The following C10orf120 variants were observed in gnomAD, a reference collection of about 807,000 sequenced individuals.
C10orf120 encodes chromosome 10 open reading frame 120, also known as uncharacterized protein C10orf120.
C10orf120 carries 15 observed loss-of-function variants against 10.8 expected under a neutral mutation model. That is an observed-to-expected ratio of 1.39 (90% CI 0.93 to 2.14). The LOEUF is 2.14. Among genes scored for constraint, C10orf120 ranks in the 30% most tolerant of loss-of-function variants. The pLI is 0.00. For synonymous variants in C10orf120, 141 were observed against 138.9 expected (o/e 1.02, Z -0.11); for missense variants, 447 against 411.3 (o/e 1.09, Z -0.75).
rs1262438419 is a variant in C10orf120 at position 122,697,781 on chromosome 10, C to A, written c.960G>T (p.Glu320Asp). 6.2e-7 allele frequency: 1 copy of A among 1,614,172 alleles called. No individual in the cohort carries two copies. Among genetic ancestry groups the A allele is most frequent in the Non-Finnish European group, 8.5e-7 (1 of 1,180,006 alleles). ...TACGCATGCGCTCTTTCCAGATACT[C>A]TCTTCTTCCAGGCTGTAGGTCTTGA... is the stretch of plus-strand genomic sequence containing the variant. ...DLVKTYSLEE[E>D]SIWKERMRKA... Residue 320 changes from glutamate (E) to aspartate (D), a missense_variant, in exon 3 of 3, where the codon GAG becomes GAT. Glu to Asp is a conservative substitution (Grantham distance 45, BLOSUM62 2). Transcript: ENST00000329446.
At chr10:122,699,491 A>T in intron 1 of C10orf120, 79 bp from the exon 2 acceptor site, 1 of 1,466,642 alleles carries the variant, frequency 6.8e-7, no homozygotes, top group East Asian at 2.3e-5. Context: ...GAAGGCTCAT[A>T]AAGGGTTATT....
chr10:122,699,523 C>G, intron 1 of C10orf120, 92 bp downstream of exon 1: 1 of 1,445,062 alleles, frequency 6.9e-7, no homozygotes, highest in South Asian at 1.3e-5. Flanking sequence ...AGGCTGAGGC[C>G]GCCATGAGCA....
chr10:122,698,489 C>T lies in C10orf120; in HGVS notation c.253-1G>A, dbSNP rs1305702534. 1.2e-6 allele frequency: 2 copies of T among 1,613,830 alleles called. No individual in the cohort carries two copies. Among genetic ancestry groups the T allele is most frequent in the East Asian group, 4.5e-5 (2 of 44,888 alleles). On this transcript the variant is annotated splice_acceptor_variant, in intron 2 of 2. Coordinates refer to ENST00000329446, the MANE Select transcript of C10orf120 (RefSeq NM_001010912.4). LOFTEE classifies it high-confidence loss of function. Reference sequence around the variant, plus strand: ...CTATGGTGTGAATGCCACCTAGACGCTGACAATGGAGAAAGGACTATTAAA... The same window carrying T: ...CTATGGTGTGAATGCCACCTAGACGTTGACAATGGAGAAAGGACTATTAAA...
At position 122,698,217 on chromosome 10, in the gene C10orf120, C is replaced by G. The variant is rs141554298; in HGVS notation, c.524G>C (p.Arg175Pro). 1.2e-5 allele frequency: 19 copies of G among 1,613,554 alleles called. No individual in the cohort carries two copies. The highest frequency in any genetic ancestry group is 1.7e-5 in the Admixed American group (1 of 59,930). ...TAAAGGCTGATGATTTCCCAGAGCC[C>G]GAGCAAGCCTCATCCTCTCTATGTG... ...SKHIERMRLA[R>P]ALGNHQPLPY... Residue 175 changes from arginine (R) to proline (P), a missense_variant, in exon 3 of 3, where the codon CGG (arginine) becomes CCG (proline). By Grantham distance (103) the Arg-to-Pro change is moderately radical. Transcript: ENST00000329446.
chr10:122,699,139 T>C (rs1845826792), intron 2 of C10orf120, among the ~76,000 whole-genome samples, 198 bp downstream of exon 2: 1 of 10,512 alleles, frequency 9.5e-5, no homozygotes, highest in Admixed American at 1.2e-3. Context: ...AGACTCCGTC[T>C]CAAAAAAAAA....
chr10:122,699,027 G>A (rs527725839), intron 2 of C10orf120, among the ~76,000 whole-genome samples: 29 of 150,220 alleles, frequency 1.9e-4, no homozygotes, highest in Admixed American at 1.1e-3. Context: ...CCAGCTACTC[G>A]GGAGGCTGAG....
chr10:122,699,618 A>G lies in C10orf120; in HGVS notation c.173T>C (p.Leu58Ser). Reference protein sequence around the residue: ...CQEDLSSASPLRIWSKFYRSD... With the variant: ...CQEDLSSASPSRIWSKFYRSD... Reference sequence around the variant, plus strand: ...CTAAAGTGCAAGTCAGACTCACCGCAACGGTGAAGCAGAACTCAGATCCTC... The same window carrying G: ...CTAAAGTGCAAGTCAGACTCACCGCGACGGTGAAGCAGAACTCAGATCCTC... The change falls in exon 1 of 3, where the codon TTG (leucine) becomes TCG (serine). Residue 58 changes from leucine (L) to serine (S), a missense_variant. Coordinates refer to ENST00000329446, the MANE Select transcript of C10orf120 (RefSeq NM_001010912.4). 1 of 1,606,386 alleles carries G rather than the reference A, an allele frequency of 6.2e-7. No homozygotes were observed. The highest frequency in any genetic ancestry group is 8.5e-7 in the Non-Finnish European group (1 of 1,175,738).
intron 1 of C10orf120, 100 bp from the exon 2 acceptor site, chr10:122,699,512 C>T: frequency 1.4e-6 from 2 of 1,438,086 alleles, no homozygotes; most frequent in Non-Finnish European, 9.6e-7. Flanking sequence ...CTACACTAGC[C>T]AGGCTGAGGC....
Position 122,697,940 on chromosome 10 carries a change from G to A in C10orf120, c.801C>T (p.Leu267=), listed in dbSNP as rs370301103. 1.2e-6 allele frequency: 2 copies of A among 1,613,850 alleles called. No homozygotes were observed. The highest frequency in any genetic ancestry group is 2.7e-5 in the African/African-American group (2 of 74,920). Residue 267 remains leucine, a synonymous_variant, in exon 3 of 3, where the codon CTC becomes CTT. Transcript: ENST00000329446. ...TYHGNDRKSF[L]PAKKPERSIA... is the part of the protein sequence containing the mutation. ...TGGACCGTTCCGGTTTCTTTGCGGG[G>A]AGGAATGATTTGCGATCATTTCCAT...
Position 122,699,340 on chromosome 10 carries a change from G to A in C10orf120, c.249C>T (p.Ile83=), listed in dbSNP as rs977725577. The A allele has an allele frequency of 3.1e-6, 5 of 1,610,804 alleles. No individual in the cohort carries two copies. The highest frequency in any genetic ancestry group is 4.2e-6 in the Non-Finnish European group (5 of 1,177,192). Residue 83 remains isoleucine (I), a synonymous_variant, in exon 2 of 3, where the codon ATC becomes ATT. Coordinates refer to ENST00000329446, the MANE Select transcript of C10orf120 (RefSeq NM_001010912.4). ...LGKYSPLEKE[I]LRLGGIHTIA... ...GTGAAAACTGCGGGACACTTACTAG[G>A]ATCTCTTTTTCCAAGGGGGAGTATT...
In C10orf120 at chr10:122,699,070, C is replaced by T. The variant is rs1226860609; in HGVS notation, c.252+267G>A. Among the ~76,000 whole-genome samples the T allele has an allele frequency of 1.6e-5, 2 of 128,842 alleles. 1 individual carries two copies. The highest frequency in any genetic ancestry group is 5.9e-5 in the African/African-American group (2 of 34,014). The allele number at this position is 128,842 out of a possible 152,430, so 84.5% of individuals were successfully genotyped here. Reference sequence around the variant, plus strand: ...AATGGCGTGAACCCGGGAAGCGGAGCTTGCAGTGAGCCGAGATTGCGCCAC... The same window carrying T: ...AATGGCGTGAACCCGGGAAGCGGAGTTTGCAGTGAGCCGAGATTGCGCCAC... On this transcript the variant is annotated intron_variant, in intron 2 of 2. Coordinates refer to ENST00000329446, the MANE Select transcript of C10orf120 (RefSeq NM_001010912.4).
chr10:122,699,358 G>C lies in C10orf120; in HGVS notation c.231C>G (p.Ser77=). Residue 77 remains serine (S), a synonymous_variant, in exon 2 of 3, where the codon TCC becomes TCG. Coordinates refer to ENST00000329446, the MANE Select transcript of C10orf120 (RefSeq NM_001010912.4). Reference sequence around the variant, plus strand: ...TTACTAGGATCTCTTTTTCCAAGGGGGAGTATTTCCCAAGGGCAATCCGTG... The same window carrying C: ...TTACTAGGATCTCTTTTTCCAAGGGCGAGTATTTCCCAAGGGCAATCCGTG... ...SDPRIALGKY[S]PLEKEILRLG... 6.2e-7 allele frequency: 1 copy of C among 1,612,556 alleles called. No homozygotes were observed. Among genetic ancestry groups the C allele is most frequent in the South Asian group, 1.1e-5 (1 of 90,978 alleles).
At position 122,698,475 on chromosome 10, in the gene C10orf120, A is replaced by G. The variant is rs754513341; in HGVS notation, c.266T>C (p.Ile89Thr). Residue 89 changes from isoleucine to threonine, a missense_variant, in exon 3 of 3, where the codon ATT becomes ACT. Transcript: ENST00000329446. ...LEKEILRLGGIHTIAARRLLA... is the reference protein window; with the variant it reads ...LEKEILRLGGTHTIAARRLLA... ...AAGCCTTCTTGCTGCTATGGTGTGA[A>G]TGCCACCTAGACGCTGACAATGGAG... 4.9e-5 allele frequency: 79 copies of G among 1,613,990 alleles called. 1 individual carries two copies. The Middle Eastern group carries it at 2.6e-3, about 54-fold the overall frequency.
intron 2 of C10orf120, among the ~76,000 whole-genome samples, 179 bp downstream of exon 2, chr10:122,699,140 CAAAAAAAAAAAAAAAAAA>C (rs67633673): frequency 4.6e-5 from 1 of 21,840 alleles, no homozygotes; most frequent in Non-Finnish European, 8.1e-5. Flanking sequence ...GACTCCGTCT[CAAAAAAAAAAAAAAAAAA>C]AAAAAAAAAA....
At position 122,699,842 on chromosome 10, in the gene C10orf120, A is replaced by G. The variant is rs1249721893; in HGVS notation, c.-52T>C. Reference sequence around the variant, plus strand: ...GTGTTCACACCTGGAGTTTGTTTCTAAGACAATGTGATGAGGGCCCGAGGG... The same window carrying G: ...GTGTTCACACCTGGAGTTTGTTTCTGAGACAATGTGATGAGGGCCCGAGGG... On this transcript the variant is annotated 5_prime_UTR_variant, in exon 1 of 3. Coordinates refer to ENST00000329446, the MANE Select transcript of C10orf120 (RefSeq NM_001010912.4). 1 of 1,516,718 alleles carries G rather than the reference A, an allele frequency of 6.6e-7. No homozygotes were observed. Among genetic ancestry groups the G allele is most frequent in the Non-Finnish European group, 9.0e-7 (1 of 1,116,282 alleles). The allele number at this position is 1,516,718 out of a possible 1,614,324, so 94.0% of individuals were successfully genotyped here. A position where few individuals can be genotyped will look rare whatever the true frequency, so the allele number is the denominator to read the frequency against.
At chr10:122,699,188 G>C (rs916146783) in intron 2 of C10orf120, 149 bp downstream of exon 2, 2 of 370,434 alleles carry the variant, frequency 5.4e-6, no homozygotes, top group East Asian at 1.0e-4. Context: ...TGCTGTGCAA[G>C]TGTGGAAGCC....
In C10orf120 at chr10:122,698,014, T is replaced by G; in HGVS notation, c.727A>C (p.Met243Leu). The change falls in exon 3 of 3, where the codon ATG becomes CTG. Residue 243 changes from methionine to leucine, a missense_variant. By Grantham distance (15) the Met-to-Leu change is conservative. Coordinates refer to ENST00000329446, the MANE Select transcript of C10orf120 (RefSeq NM_001010912.4). Reference protein sequence around the residue: ...GKNTKRREIKMNVVFKSKEPK... With the variant: ...GKNTKRREIKLNVVFKSKEPK... ...TCTTTTGACTTGAAAACTACATTCA[T>G]TTTTATTTCTCGTCTTTTTGTGTTT... 1 of 1,608,188 alleles carries G rather than the reference T, an allele frequency of 6.2e-7. No individual in the cohort carries two copies. The highest frequency in any genetic ancestry group is 1.7e-4 in the Middle Eastern group (1 of 6,032).
In C10orf120 at chr10:122,698,243, C is replaced by T; in HGVS notation, c.498G>A (p.Lys166=). The T allele has an allele frequency of 6.2e-7, 1 of 1,614,172 alleles. No individual in the cohort carries two copies. The highest frequency in any genetic ancestry group is 8.5e-7 in the Non-Finnish European group (1 of 1,180,030). ...GAGCAAGCCTCATCCTCTCTATGTG[C>T]TTACTGACGTTCACCTGCTCTCGTT... The part of the protein sequence containing the change: ...MPQREQVNVS[K]HIERMRLARA... Residue 166 remains lysine, a synonymous_variant, in exon 3 of 3, where the codon AAG becomes AAA. Transcript: ENST00000329446.
Position 122,699,140 on chromosome 10 carries a change from CAAAAAAAAAAAA to C in C10orf120, c.252+185_252+196del, listed in dbSNP as rs67633673. The stretch of plus-strand genomic sequence containing the variant: ...TGGGCGACAGAGCGAGACTCCGTCT[CAAAAAAAAAAAA>C]AAAAAAAAAAAAAAAAAGAGTATTT... On this transcript the variant is annotated intron_variant, in intron 2 of 2. Coordinates refer to ENST00000329446, the MANE Select transcript of C10orf120 (RefSeq NM_001010912.4). 9.6e-4 allele frequency among the ~76,000 whole-genome samples: 21 copies of C among 21,830 alleles called. 1 individual carries two copies. The highest frequency in any genetic ancestry group is 2.0e-3 in the East Asian group (1 of 508). The allele number at this position is 21,830 out of a possible 152,430, so 14.3% of individuals were successfully genotyped here. A position where few individuals can be genotyped will look rare whatever the true frequency, so the allele number is the denominator to read the frequency against.
Sources: gnomAD v4.1 joint callset for allele counts (sites outside exome capture counted in the v4.1 genomes callset) on GRCh38, gnomAD v4.1.1 for gene constraint, MANE v1.5 for transcripts, NCBI Gene and HGNC (gene_info 2026-07-23, HGNC 2026-07-21) for gene names.